Variants in SMPD1 observed in about 807,000 individuals in gnomAD.
SMPD1 encodes sphingomyelin phosphodiesterase 1.
A neutral mutation model predicts 49.7 loss-of-function variants in SMPD1; 47 were observed. That is an observed-to-expected ratio of 0.95 (90% CI 0.75 to 1.21). The LOEUF (loss-of-function observed/expected upper bound fraction) is 1.21, where lower values mean the gene tolerates loss of function less well. SMPD1 is among the 50% of genes most tolerant of loss of function. The probability of loss-of-function intolerance (pLI) is 0.00; values close to 1 mark genes in which losing one functional copy is unlikely to be tolerated. For missense variants in SMPD1, 811 were observed against 822.2 expected, an observed-to-expected ratio of 0.99 and a Z score of 0.17; for synonymous variants, 336 against 339.6, an observed-to-expected ratio of 0.99 and a Z score of 0.12.
rs764745599 is a variant in SMPD1 at position 6,392,083 on chromosome 11, T to C, written c.1018T>C (p.Ser340Pro). Residue 340 changes from serine to proline, a missense_variant, in exon 2 of 6, where the codon TCC (serine) becomes CCC (proline). By Grantham distance (74) the Ser-to-Pro change is moderately conservative. Transcript: ENST00000342245. The stretch of plus-strand genomic sequence containing the variant: ...CCCCTTCATTGAGGGCAACCACTCC[T>C]CCCGCTGGCTCTATGAAGCGATGGC... ...PPPFIEGNHS[S>P]RWLYEAMAKA... 1 of 1,614,084 alleles carries C rather than the reference T, an allele frequency of 6.2e-7. No homozygotes were observed. The highest frequency in any genetic ancestry group is 1.7e-5 in the Admixed American group (1 of 60,016).
At position 6,394,857 on chromosome 11, in the gene SMPD1, G is replaced by A; in HGVS notation, c.*250G>A. 3 of 567,484 alleles carry A rather than the reference G, an allele frequency of 5.3e-6. No individual in the cohort carries two copies. The highest frequency in any genetic ancestry group is 9.4e-6 in the Non-Finnish European group (3 of 317,650). The allele number at this position is 567,484 out of a possible 1,614,324, so 35.2% of individuals were successfully genotyped here. ...TGTCCTTTCACAGCCATGGAGTAGA[G>A]GCCTAAGTTGACACTGCCCTGGGCA... is the stretch of plus-strand genomic sequence containing the variant. On this transcript the variant is annotated 3_prime_UTR_variant, in exon 6 of 6. Transcript: ENST00000342245.
chr11:6,391,017 G>A, intron 1 of SMPD1, 101 bp downstream of exon 1: 1 of 1,430,274 alleles, frequency 7.0e-7, no homozygotes, highest in South Asian at 1.2e-5. Flanking sequence ...CATCCCTGAT[G>A]GAGAGGGTGG....
Position 6,391,841 on chromosome 11 carries a change from T to C in SMPD1, c.776T>C (p.Leu259Pro). 1 of 1,613,868 alleles carries C rather than the reference T, an allele frequency of 6.2e-7. No homozygotes were observed. The highest frequency in any genetic ancestry group is 1.7e-5 in the Admixed American group (1 of 60,030). ...YSKCDLPLRT[L>P]ESLLSGLGPA... ...AAGTGTGACCTGCCCCTGAGGACCC[T>C]GGAGAGCCTGTTGAGTGGGCTGGGC... Residue 259 changes from leucine (L) to proline (P), a missense_variant, in exon 2 of 6, where the codon CTG becomes CCG. Leu to Pro is a moderately conservative substitution (Grantham distance 98, BLOSUM62 -3). Coordinates refer to ENST00000342245, the MANE Select transcript of SMPD1 (RefSeq NM_000543.5).
Position 6,391,692 on chromosome 11 carries a change from G to C in SMPD1, c.627G>C (p.Leu209=), listed in dbSNP as rs200443318. Residue 209 remains leucine (L), a synonymous_variant, in exon 2 of 6, where the codon CTG becomes CTC. Coordinates refer to ENST00000342245, the MANE Select transcript of SMPD1 (RefSeq NM_000543.5). The stretch of plus-strand genomic sequence containing the variant: ...GCCGCATCCTCTTCCTCACTGACCT[G>C]CACTGGGATCATGACTACCTGGAGG... ...PVSRILFLTD[L]HWDHDYLEGT... The C allele has an allele frequency of 4.6e-6, 7 of 1,527,020 alleles. No homozygotes were observed. The African/African-American group carries it at 7.6e-5, about 17-fold the overall frequency. The allele number at this position is 1,527,020 out of a possible 1,614,324, so 94.6% of individuals were successfully genotyped here. A position where few individuals can be genotyped will look rare whatever the true frequency, so the allele number is the denominator to read the frequency against.
At chr11:6,392,278 G>A (rs963153677) in intron 2 of SMPD1, 122 bp downstream of exon 2, 4 of 1,067,416 alleles carry the variant, frequency 3.7e-6, no homozygotes, top group Non-Finnish European at 5.7e-6. Flanking sequence ...TCTTCATTTG[G>A]CTCCCCTAAT....
At position 6,392,031 on chromosome 11, in the gene SMPD1, A is replaced by G. The variant is rs746711794; in HGVS notation, c.966A>G (p.Glu322=). 1.9e-6 allele frequency: 3 copies of G among 1,614,088 alleles called. No individual in the cohort carries two copies. The Admixed American group carries it at 5.0e-5, about 27-fold the overall frequency. The change falls in exon 2 of 6, where the codon GAA becomes GAG. Residue 322 remains glutamate (E), a synonymous_variant. Transcript: ENST00000342245. ...VPVYPAVGNH[E]STPVNSFPPP... is the part of the protein sequence containing the mutation. ...TGTACCCTGCTGTGGGTAACCATGA[A>G]AGCACACCTGTCAATAGCTTCCCTC...
Position 6,394,625 on chromosome 11 carries a change from T to G in SMPD1, c.*18T>G. The G allele has an allele frequency of 1.3e-6, 2 of 1,595,208 alleles. No homozygotes were observed. The highest frequency in any genetic ancestry group is 1.1e-5 in the South Asian group (1 of 90,962). The stretch of plus-strand genomic sequence containing the variant: ...TTTGCTAGGGCCCCAGGGCCCACAT[T>G]TGGGAAAGTTCTTGATGTAGGAAAG... On this transcript the variant is annotated 3_prime_UTR_variant, in exon 6 of 6. Coordinates refer to ENST00000342245, the MANE Select transcript of SMPD1 (RefSeq NM_000543.5).
At position 6,394,265 on chromosome 11, in the gene SMPD1, C is replaced by T. The variant is rs1230216674; in HGVS notation, c.1554C>T (p.Thr518=). ...CTCACGTGGTCCTGGACCATGAGAC[C>T]TACATCCTGAATCTGACCCAGGCAA... ...GSSHVVLDHE[T]YILNLTQANI... Residue 518 remains threonine (T), a synonymous_variant, in exon 6 of 6, where the codon ACC becomes ACT. Transcript: ENST00000342245. The T allele has an allele frequency of 1.2e-6, 2 of 1,614,184 alleles. No individual in the cohort carries two copies. Among genetic ancestry groups the T allele is most frequent in the Non-Finnish European group, 1.7e-6 (2 of 1,180,018 alleles).
At chr11:6,393,422 G>T in intron 3 of SMPD1, 35 bp downstream of exon 3, 1 of 1,596,762 alleles carries the variant, frequency 6.3e-7, no homozygotes. Context: ...GTGGTGCTGG[G>T]GGACAAGCAG....
chr11:6,394,902 C>A lies in SMPD1; in HGVS notation c.*295C>A. The stretch of plus-strand genomic sequence containing the variant: ...TGGGCAGACAAGACAGGAGCTGTCG[C>A]CCCAGGCCTGTGCTGCCCAGCCAGG... On this transcript the variant is annotated 3_prime_UTR_variant, in exon 6 of 6. Coordinates refer to ENST00000342245, the MANE Select transcript of SMPD1 (RefSeq NM_000543.5). 2.0e-6 allele frequency: 1 copy of A among 490,830 alleles called. No individual in the cohort carries two copies. The highest frequency in any genetic ancestry group is 3.7e-6 in the Non-Finnish European group (1 of 270,934). 30.4% of individuals were successfully genotyped at this position (490,830 alleles called of 1,614,324 possible). A position where few individuals can be genotyped will look rare whatever the true frequency, so the allele number is the denominator to read the frequency against.
At position 6,391,911 on chromosome 11, in the gene SMPD1, C is replaced by T. The variant is rs990064419; in HGVS notation, c.846C>T (p.Pro282=). The change falls in exon 2 of 6, where the codon CCC becomes CCT. Residue 282 remains proline, a synonymous_variant. Coordinates refer to ENST00000342245, the MANE Select transcript of SMPD1 (RefSeq NM_000543.5). ...TGGTGTACTGGACAGGAGACATCCC[C>T]GCACATGATGTCTGGCACCAGACTC... ...FDMVYWTGDI[P]AHDVWHQTRQ... 10 of 1,614,216 alleles carry T rather than the reference C, an allele frequency of 6.2e-6. No individual in the cohort carries two copies. The highest frequency in any genetic ancestry group is 2.2e-5 in the East Asian group (1 of 44,884).
At chr11:6,393,451 C>A in intron 3 of SMPD1, 64 bp downstream of exon 3, 1 of 1,536,518 alleles carries the variant, frequency 6.5e-7, no homozygotes, top group Non-Finnish European at 9.0e-7. Flanking sequence ...TGAGCTGGAG[C>A]ACCTCTGGGC....
At position 6,394,639 on chromosome 11, in the gene SMPD1, G is replaced by T; in HGVS notation, c.*32G>T. 1 of 1,581,486 alleles carries T rather than the reference G, an allele frequency of 6.3e-7. No homozygotes were observed. Among genetic ancestry groups the T allele is most frequent in the Non-Finnish European group, 8.6e-7 (1 of 1,164,452 alleles). ...AGGGCCCACATTTGGGAAAGTTCTT[G>T]ATGTAGGAAAGGGTGAAAAAGCCCA... On this transcript the variant is annotated 3_prime_UTR_variant, in exon 6 of 6. Coordinates refer to ENST00000342245, the MANE Select transcript of SMPD1 (RefSeq NM_000543.5).
chr11:6,392,311 C>A (rs1847961748), intron 2 of SMPD1, 155 bp downstream of exon 2: 25 of 635,628 alleles, frequency 3.9e-5, no homozygotes, highest in East Asian at 6.1e-5. Flanking sequence ...TCCCTTTCTA[C>A]TGTTTTGCCG....
Position 6,393,926 on chromosome 11 carries a change from T to C in SMPD1, c.1371T>C (p.Phe457=), listed in dbSNP as rs765658453. The C allele has an allele frequency of 5.6e-6, 9 of 1,614,224 alleles. No individual in the cohort carries two copies. The highest frequency in any genetic ancestry group is 7.6e-6 in the Non-Finnish European group (9 of 1,180,038). The change falls in exon 5 of 6, where the codon TTT becomes TTC. Residue 457 remains phenylalanine, a synonymous_variant. Coordinates refer to ENST00000342245, the MANE Select transcript of SMPD1 (RefSeq NM_000543.5). ...RYENTLAAQF[F]GHTHVDEFEV... is the part of the protein sequence containing the mutation. ...AGAACACCCTGGCTGCTCAGTTCTT[T>C]GGCCACACTCATGTGGATGAATTTG...
At position 6,391,937 on chromosome 11, in the gene SMPD1, G is replaced by C. The variant is rs1803161; in HGVS notation, c.872G>C (p.Arg291Pro). ...GCACATGATGTCTGGCACCAGACTC[G>C]TCAGGACCAACTGCGGGCCCTGACC... ...IPAHDVWHQT[R>P]QDQLRALTTV... is the part of the protein sequence containing the mutation. The change falls in exon 2 of 6, where the codon CGT (arginine) becomes CCT (proline). Residue 291 changes from arginine to proline, a missense_variant. Coordinates refer to ENST00000342245, the MANE Select transcript of SMPD1 (RefSeq NM_000543.5). 2.5e-6 allele frequency: 4 copies of C among 1,614,096 alleles called. No homozygotes were observed. In the African/African-American group the frequency reaches 5.3e-5, roughly 22 times the overall value.
At chr11:6,393,813 G>A in intron 4 of SMPD1, 83 bp from the exon 5 acceptor site, 1 of 1,575,810 alleles carries the variant, frequency 6.3e-7, no homozygotes, top group Non-Finnish European at 8.7e-7. Context: ...ACTAGAACAG[G>A]TTGGAGAAAG....
In SMPD1 at chr11:6,391,413, C is replaced by T. The variant is rs767122852; in HGVS notation, c.348C>T (p.Ser116=). The change falls in exon 2 of 6, where the codon TCC becomes TCT. Residue 116 remains serine (S), a synonymous_variant. Coordinates refer to ENST00000342245, the MANE Select transcript of SMPD1 (RefSeq NM_000543.5). ...AACCCAATGTGGCTCGCGTGGGCTC[C>T]GTGGCCATCAAGCTGTGCAATCTGC... ...KKEPNVARVG[S]VAIKLCNLLK... is the part of the protein sequence containing the mutation. 8.7e-6 allele frequency: 14 copies of T among 1,613,026 alleles called. No homozygotes were observed. Among genetic ancestry groups the T allele is most frequent in the Admixed American group, 1.7e-5 (1 of 60,022 alleles).
chr11:6,391,068 A>G, intron 1 of SMPD1, 152 bp downstream of exon 1: 1 of 1,010,602 alleles, frequency 9.9e-7, no homozygotes, highest in Non-Finnish European at 1.5e-6. Flanking sequence ...CTTTGGGGAC[A>G]CCCATGGCTA....
Sources: gnomAD v4.1 joint callset for allele counts on GRCh38, gnomAD v4.1.1 for gene constraint, MANE v1.5 for transcripts, NCBI Gene and HGNC (gene_info 2026-07-23, HGNC 2026-07-21) for gene names.